Variants in NDUFAF7 observed in about 807,000 individuals in gnomAD.
The protein encoded by NDUFAF7 is NADH:ubiquinone oxidoreductase complex assembly factor 7.
In NDUFAF7, 48 loss-of-function variants were observed where a neutral mutation model predicts 47.2. That is an observed-to-expected ratio of 1.02 (90% confidence interval 0.81 to 1.29). NDUFAF7 has a LOEUF of 1.29. Ranked by LOEUF, NDUFAF7 falls within the 50% of genes most tolerant of loss-of-function variation. The probability of loss-of-function intolerance (pLI) is 0.00; values close to 1 mark genes in which losing one functional copy is unlikely to be tolerated. For synonymous variants in NDUFAF7, 217 were observed against 190.0 expected (o/e 1.14, Z -1.17); for missense variants, 635 against 537.6 (o/e 1.18, Z -1.79).
rs561600456 is a variant in NDUFAF7, at chr2:37,236,069, G to T, written c.217-27G>T. ...AAAGGCTTATTTGAAAATTAATTTT[G>T]TTTCTCTATTTTCTCTTTTTACTCA... is the stretch of plus-strand genomic sequence containing the variant. On this transcript the variant is annotated intron_variant, in intron 2 of 9. Coordinates refer to ENST00000002125, the MANE Select transcript of NDUFAF7 (RefSeq NM_144736.5). The T allele has an allele frequency of 1.5e-5, 24 of 1,559,026 alleles. No individual in the cohort carries two copies. The Admixed American group carries it at 2.0e-4, about 13-fold the overall frequency.
downstream of NDUFAF7, among the ~76,000 whole-genome samples, chr2:37,249,558 GACACACACACACACACAC>G (rs56374800): frequency 1.6e-4 from 20 of 128,498 alleles, no homozygotes; most frequent in East Asian, 2.1e-4. Flanking sequence ...GCCTGTGATA[GACACACACACACACACAC>G]ACACACACAC....
chr2:37,264,054 C>T, the NDUFAF7 span, among the ~76,000 whole-genome samples: 3 of 152,126 alleles, frequency 2.0e-5, no homozygotes, highest in South Asian at 6.2e-4. Flanking sequence ...GGCAAGACAG[C>T]AAAAGAAACA....
chr2:37,240,413 C>A (rs962095512), intron 4 of NDUFAF7, among the ~76,000 whole-genome samples: 6 of 150,492 alleles, frequency 4.0e-5, no homozygotes, highest in Admixed American at 6.6e-5. Context: ...AAAAAAAAAA[C>A]CAAAAAACAC....
At chr2:37,265,956 A>G in the NDUFAF7 span, among the ~76,000 whole-genome samples, 1 of 152,244 alleles carries the variant, frequency 6.6e-6, no homozygotes, top group African/African-American at 2.4e-5. Flanking sequence ...CCATAGGAAT[A>G]TATCCTTAAT....
intron 4 of NDUFAF7, among the ~76,000 whole-genome samples, chr2:37,239,749 C>T: frequency 6.6e-6 from 1 of 151,892 alleles, no homozygotes; most frequent in East Asian, 1.9e-4. Context: ...TGCAAGAGTT[C>T]GTATCATATG....
intron 2 of NDUFAF7, 92 bp from the exon 3 acceptor site, chr2:37,236,004 T>G (rs1665713524): frequency 2.7e-6 from 3 of 1,098,598 alleles, no homozygotes; most frequent in Admixed American, 1.7e-5. Flanking sequence ...AATAATTATT[T>G]CACTTTTACA....
At chr2:37,261,491 A>G in the NDUFAF7 span, among the ~76,000 whole-genome samples, 1 of 150,172 alleles carries the variant, frequency 6.7e-6, no homozygotes. Flanking sequence ...TGTCTCAAAT[A>G]AAAAAAAGGC....
chr2:37,240,012 AAGG>A (rs1283979877), intron 4 of NDUFAF7, among the ~76,000 whole-genome samples: 4 of 152,220 alleles, frequency 2.6e-5, no homozygotes, highest in Non-Finnish European at 4.4e-5. Context: ...AAACATTAAA[AAGG>A]AGGACAGTTG....
At chr2:37,257,026 T>C (rs1668008309), downstream of NDUFAF7, 1 of 1,273,098 alleles carries the variant, frequency 7.9e-7, no homozygotes, top group African/African-American at 1.5e-5. Context: ...TTCAACATAC[T>C]TGCCAGCTCT....
At chr2:37,246,647 A>C (rs912813261) in intron 8 of NDUFAF7, among the ~76,000 whole-genome samples, 3 of 152,174 alleles carry the variant, frequency 2.0e-5, no homozygotes, top group Non-Finnish European at 4.4e-5. Context: ...GTTCCTAAAC[A>C]TCCTTTCTTA....
the NDUFAF7 span, chr2:37,267,521 G>C: frequency 6.2e-7 from 1 of 1,605,400 alleles, no homozygotes; most frequent in South Asian, 1.1e-5. Flanking sequence ...ATCCCTCCCA[G>C]TCTTTCTATG....
the NDUFAF7 span, among the ~76,000 whole-genome samples, chr2:37,263,176 G>C: frequency 6.6e-6 from 1 of 151,942 alleles, no homozygotes; most frequent in Admixed American, 6.6e-5. Context: ...AGGTTATAAA[G>C]CTTTTTCTGA....
downstream of NDUFAF7, among the ~76,000 whole-genome samples, chr2:37,256,168 C>T (rs899311668): frequency 6.6e-6 from 1 of 152,000 alleles, no homozygotes; most frequent in African/African-American, 2.4e-5. Flanking sequence ...AAAAACAGTC[C>T]CAAGCAAATT....
intron 7 of NDUFAF7, among the ~76,000 whole-genome samples, chr2:37,245,319 T>C (rs2148434595): frequency 6.6e-6 from 1 of 152,336 alleles, no homozygotes; most frequent in South Asian, 2.1e-4. Context: ...TATGTTTTCA[T>C]AATGAAGGGA....
At chr2:37,260,425 GA>G in the NDUFAF7 span, 4 of 1,548,064 alleles carry the variant, frequency 2.6e-6, no homozygotes, top group South Asian at 1.1e-5. Context: ...CTTAAGCAGA[GA>G]AACAGTTTTA....
chr2:37,244,919 G>C (rs1386251295), intron 7 of NDUFAF7, among the ~76,000 whole-genome samples: 1 of 152,098 alleles, frequency 6.6e-6, no homozygotes, highest in African/African-American at 2.4e-5. Context: ...ATTCACTTAG[G>C]AAGGGAGGGA....
chr2:37,259,337 T>C, the NDUFAF7 span, among the ~76,000 whole-genome samples: 3 of 152,188 alleles, frequency 2.0e-5, no homozygotes, highest in African/African-American at 7.2e-5. Context: ...TCCCAGCCCC[T>C]GGGGAGAGGT....
chr2:37,248,176 G>A lies in NDUFAF7; in HGVS notation c.1152G>A (p.Gln384=). 2 of 1,614,072 alleles carry A rather than the reference G, an allele frequency of 1.2e-6. No homozygotes were observed. The highest frequency in any genetic ancestry group is 1.7e-6 in the Non-Finnish European group (2 of 1,179,962). ...CAAATGAGCCATCAGTGAGGCAGCAGTTACTTCAAGGATATGATATGTTAA... is the reference window on the plus strand; with the variant it reads ...CAAATGAGCCATCAGTGAGGCAGCAATTACTTCAAGGATATGATATGTTAA... ...DKSNEPSVRQ[Q]LLQGYDMLMN... is the part of the protein sequence containing the mutation. The change falls in exon 10 of 10, where the codon CAG becomes CAA. Residue 384 remains glutamine, a synonymous_variant. Coordinates refer to ENST00000002125, the MANE Select transcript of NDUFAF7 (RefSeq NM_144736.5).
At chr2:37,264,569 TGAG>T in the NDUFAF7 span, among the ~76,000 whole-genome samples, 9 of 152,048 alleles carry the variant, frequency 5.9e-5, no homozygotes, top group African/African-American at 2.2e-4. Context: ...GAGGCTTCAT[TGAG>T]GAAATGATAT....
Sources: gnomAD v4.1 joint callset for allele counts (sites outside exome capture counted in the v4.1 genomes callset) on GRCh38, gnomAD v4.1.1 for gene constraint, MANE v1.5 for transcripts, NCBI Gene and HGNC (gene_info 2026-07-23, HGNC 2026-07-21) for gene names.